The following CYB5B variants were observed in gnomAD, a reference collection of about 807,000 sequenced individuals.
CYB5B encodes cytochrome b5 type B.
A neutral mutation model predicts 21.3 loss-of-function variants in CYB5B; 14 were observed. The ratio of observed to expected loss-of-function variants is 0.66; its 90% CI spans 0.43 to 1.03. The LOEUF (loss-of-function observed/expected upper bound fraction) is 1.03, where lower values mean the gene tolerates loss of function less well. Ranked by LOEUF, CYB5B falls within the 50% of genes least tolerant of loss-of-function variation. The pLI is 0.00. For synonymous variants in CYB5B, 69 were observed against 68.4 expected, an observed-to-expected ratio of 1.01 and a Z score of -0.04; for missense variants, 166 against 185.1, an observed-to-expected ratio of 0.90 and a Z score of 0.60.
intron 1 of CYB5B, among the ~76,000 whole-genome samples, chr16:69,430,066 G>C (rs1433405198): frequency 1.3e-5 from 2 of 152,112 alleles, no homozygotes; most frequent in African/African-American, 2.4e-5. Context: ...AATGAAAGTA[G>C]TACATGTCAT....
intron 2 of CYB5B, 49 bp downstream of exon 2, chr16:69,447,327 C>A: frequency 6.3e-7 from 1 of 1,596,388 alleles, no homozygotes; most frequent in African/African-American, 1.3e-5. Flanking sequence ...AACTACTTAA[C>A]AGCTGCAGAA....
rs1428931823 is a variant in CYB5B at position 69,447,140 on chromosome 16, T to C, written c.175-10T>C. 3.7e-6 allele frequency: 6 copies of C among 1,613,132 alleles called. No homozygotes were observed. In the African/African-American group the frequency reaches 6.7e-5, roughly 18 times the overall value. ...GAACCCTCGGTTCAGTAAATATCTT[T>C]TCCTTGTAGCACCCTGGAGGAGAAG... On this transcript the variant is annotated splice_polypyrimidine_tract_variant and intron_variant, in intron 1 of 4. Transcript: ENST00000307892.
intron 1 of CYB5B, among the ~76,000 whole-genome samples, chr16:69,446,437 C>G (rs2014879279): frequency 6.6e-6 from 1 of 152,172 alleles, no homozygotes; most frequent in Non-Finnish European, 1.5e-5. Context: ...GATTCTCCTG[C>G]CTCAGCCTCC....
intron 1 of CYB5B, among the ~76,000 whole-genome samples, chr16:69,427,411 CTG>C (rs2014659506): frequency 6.6e-6 from 1 of 150,602 alleles, no homozygotes; most frequent in Non-Finnish European, 1.5e-5. Flanking sequence ...TTTTTTTCCT[CTG>C]TGAAGATTCC....
intron 4 of CYB5B, chr16:69,459,697 T>C (rs1224860369): frequency 6.6e-6 from 1 of 152,314 alleles, no homozygotes; most frequent in East Asian, 1.9e-4. Context: ...AATCCTTGGC[T>C]TGTACAGTAT....
rs1214249110 is a variant in CYB5B, at chr16:69,464,994, C to CA, written c.*2476dup. Reference sequence around the variant, plus strand: ...GAGAGTTTGCAGAGGTTTTTCTATACAATAAAGTAGTATAGCACACTAGCC... The same window carrying CA: ...GAGAGTTTGCAGAGGTTTTTCTATACAAATAAAGTAGTATAGCACACTAGCC... On this transcript the variant is annotated 3_prime_UTR_variant, in exon 5 of 5. Coordinates refer to ENST00000307892, the MANE Select transcript of CYB5B (RefSeq NM_030579.3). 3 of 152,394 alleles carry CA rather than the reference C, an allele frequency of 2.0e-5. No homozygotes were observed. The highest frequency in any genetic ancestry group is 4.4e-5 in the Non-Finnish European group (3 of 68,022). The allele number at this position is 152,394 out of a possible 1,614,324, so 9.4% of individuals were successfully genotyped here. A position where few individuals can be genotyped will look rare whatever the true frequency, so the allele number is the denominator to read the frequency against.
intron 3 of CYB5B, chr16:69,450,229 A>AC (rs1465644066): frequency 2.0e-5 from 3 of 146,738 alleles, no homozygotes; most frequent in East Asian, 2.0e-4. Context: ...CAAAAAAAAA[A>AC]AAAAAAAAAA....
At chr16:69,434,722 G>T (rs542925373) in intron 1 of CYB5B, among the ~76,000 whole-genome samples, 1 of 152,112 alleles carries the variant, frequency 6.6e-6, no homozygotes, top group East Asian at 1.9e-4. Context: ...AGTTAGCCAC[G>T]TGTGGTGGCA....
chr16:69,451,311 C>CTGCCTGCT (rs968684685), intron 3 of CYB5B, among the ~76,000 whole-genome samples: 39 of 152,126 alleles, frequency 2.6e-4, no homozygotes, highest in African/African-American at 8.7e-4. Flanking sequence ...GCCAGTTTGC[C>CTGCCTGCT]TGCCTGCTTG....
chr16:69,437,618 T>C (rs2014774638), intron 1 of CYB5B, among the ~76,000 whole-genome samples: 1 of 152,174 alleles, frequency 6.6e-6, no homozygotes, highest in African/African-American at 2.4e-5. Context: ...GAAATATAGA[T>C]AACAAAATTT....
chr16:69,442,825 CTT>C (rs11436895), intron 1 of CYB5B, among the ~76,000 whole-genome samples: 14,700 of 135,984 alleles, frequency 0.11, 824 homozygotes, highest in South Asian at 0.19. Flanking sequence ...CCTAGCTATC[CTT>C]TTTTTTTTTT....
intron 3 of CYB5B, 127 bp from the exon 4 acceptor site, chr16:69,458,966 A>C (rs546442629): frequency 4.5e-4 from 358 of 795,002 alleles, no homozygotes; most frequent in Non-Finnish European, 6.3e-4. Flanking sequence ...ACCAAAATGC[A>C]TGAAAGATGA....
At chr16:69,446,426 T>C (rs905508317) in intron 1 of CYB5B, among the ~76,000 whole-genome samples, 1 of 152,130 alleles carries the variant, frequency 6.6e-6, no homozygotes, top group African/African-American at 2.4e-5. Flanking sequence ...CAGGTTTAAG[T>C]GATTCTCCTG....
chr16:69,426,871 TA>T (rs936956334), intron 1 of CYB5B, among the ~76,000 whole-genome samples: 10 of 152,220 alleles, frequency 6.6e-5, no homozygotes, highest in African/African-American at 2.2e-4. Context: ...TTCAAAATTC[TA>T]GCCTTAGCTA....
At chr16:69,426,312 T>G (rs1219398752) in intron 1 of CYB5B, among the ~76,000 whole-genome samples, 1 of 148,724 alleles carries the variant, frequency 6.7e-6, no homozygotes, top group Non-Finnish European at 1.5e-5. Flanking sequence ...GGCAGGAGAA[T>G]GGCGTGAACC....
intron 3 of CYB5B, among the ~76,000 whole-genome samples, chr16:69,455,116 G>A (rs370298551): frequency 6.6e-6 from 1 of 152,076 alleles, no homozygotes; most frequent in Non-Finnish European, 1.5e-5. Context: ...GGATGGTCTC[G>A]AGCTCCTGAC....
chr16:69,463,182 G>A lies in CYB5B; in HGVS notation c.*662G>A, dbSNP rs767791987. On this transcript the variant is annotated 3_prime_UTR_variant, in exon 5 of 5. Coordinates refer to ENST00000307892, the MANE Select transcript of CYB5B (RefSeq NM_030579.3). The stretch of plus-strand genomic sequence containing the variant: ...AACTTAAAACTGCCAAATGATTTTT[G>A]TTCTTTTATGTGCGTGATAAAAATA... The A allele has an allele frequency of 6.6e-6, 1 of 152,100 alleles. No homozygotes were observed. The highest frequency in any genetic ancestry group is 2.4e-5 in the African/African-American group (1 of 41,424). 9.4% of individuals were successfully genotyped at this position (152,100 alleles called of 1,614,324 possible). A position where few individuals can be genotyped will look rare whatever the true frequency, so the allele number is the denominator to read the frequency against.
At chr16:69,434,898 G>A (rs540261469) in intron 1 of CYB5B, among the ~76,000 whole-genome samples, 1 of 151,526 alleles carries the variant, frequency 6.6e-6, no homozygotes, top group African/African-American at 2.4e-5. Context: ...TAATGGGTGT[G>A]TAATGGTATA....
intron 1 of CYB5B, among the ~76,000 whole-genome samples, chr16:69,432,684 C>T (rs1476226598): frequency 6.6e-6 from 1 of 152,074 alleles, no homozygotes; most frequent in Admixed American, 6.6e-5. Context: ...TTTAAGCCTC[C>T]CAACAACCTG....
Sources: allele counts gnomAD v4.1 joint callset (sites outside exome capture counted in the v4.1 genomes callset), GRCh38; gene constraint gnomAD v4.1.1; transcripts MANE v1.5; gene names NCBI Gene and HGNC (gene_info 2026-07-23, HGNC 2026-07-21).